Variants in ACTA1 observed in about 807,000 individuals in gnomAD.
ACTA1 encodes the protein actin, alpha skeletal muscle.
In ACTA1, 25 loss-of-function variants were observed where a neutral mutation model predicts 35.8. The observed-to-expected ratio is 0.70, with a 90% CI of 0.51 to 0.97. The LOEUF (loss-of-function observed/expected upper bound fraction) is 0.97, where lower values mean the gene tolerates loss of function less well. Among genes scored for constraint, ACTA1 ranks in the 50% least tolerant of loss-of-function variants. ACTA1 has a pLI of 0.00. For synonymous variants in ACTA1, 219 were observed against 217.1 expected (o/e 1.01, Z -0.08); for missense variants, 174 against 533.0 (o/e 0.33, Z 6.63).
In ACTA1 at chr1:229,431,747, G is replaced by A; in HGVS notation, c.964C>T (p.Leu322=). 6.2e-7 allele frequency: 1 copy of A among 1,614,202 alleles called. No individual in the cohort carries two copies. The highest frequency in any genetic ancestry group is 1.7e-5 in the Admixed American group (1 of 60,024). The change falls in exon 6 of 7, where the codon CTG becomes TTG. Residue 322 remains leucine, a synonymous_variant. Coordinates refer to ENST00000366684, the MANE Select transcript of ACTA1 (RefSeq NM_001100.4). This position sits in a 1 kb window ranked among gnomAD's most constrained non-coding sequence, Gnocchi z 7.1. The part of the protein sequence containing the change: ...ADRMQKEITA[L]APSTMKIKII... ...TTGATCTTCATGGTGCTGGGTGCCAGCGCGGTGATCTCTTTCTGCATGCGG... is the reference window on the plus strand; with the variant it reads ...TTGATCTTCATGGTGCTGGGTGCCAACGCGGTGATCTCTTTCTGCATGCGG...
rs964417587 is a variant in ACTA1, at chr1:229,432,977, G to T, written c.129+10C>A. ...CCGAGCCGGCTCCCTCTGCGGAGGGGCAGCCTGACCTGGTGTCGGGGGCGG... is the reference window on the plus strand; with the variant it reads ...CCGAGCCGGCTCCCTCTGCGGAGGGTCAGCCTGACCTGGTGTCGGGGGCGG... On this transcript the variant is annotated intron_variant, in intron 2 of 6. Transcript: ENST00000366684. 11 of 1,613,460 alleles carry T rather than the reference G, an allele frequency of 6.8e-6. No homozygotes were observed. The highest frequency in any genetic ancestry group is 1.7e-5 in the Admixed American group (1 of 59,974).
chr1:229,431,582 G>A lies in ACTA1; in HGVS notation c.1051C>T (p.Leu351=), dbSNP rs1659934623. The A allele has an allele frequency of 2.5e-6, 4 of 1,612,954 alleles. No individual in the cohort carries two copies. Among genetic ancestry groups the A allele is most frequent in the Middle Eastern group, 1.7e-4 (1 of 6,000 alleles). ...ATCCACATCTGCTGGAAGGTGGACA[G>A]CGAGGCCAGGATGGAGCCGCCGATC... ...VWIGGSILAS[L]STFQQMWITK... is the part of the protein sequence containing the mutation. Residue 351 remains leucine (L), a synonymous_variant, in exon 7 of 7, where the codon CTG becomes TTG. Coordinates refer to ENST00000366684, the MANE Select transcript of ACTA1 (RefSeq NM_001100.4). This position sits in a 1 kb window ranked among gnomAD's most constrained non-coding sequence, Gnocchi z 7.1.
intron 1 of ACTA1, 109 bp from the exon 2 acceptor site, chr1:229,433,236 T>TGGGG: frequency 6.8e-7 from 1 of 1,474,530 alleles, no homozygotes; most frequent in Non-Finnish European, 9.4e-7. Context: ...CCCAGGAACC[T>TGGGG]AGGGACATCT....
rs1013794215 is a variant in ACTA1, at chr1:229,431,356, C to T, written c.*143G>A. On this transcript the variant is annotated 3_prime_UTR_variant, in exon 7 of 7. Transcript: ENST00000366684. The surrounding 1 kb of genome is among the most constrained non-coding windows in gnomAD (Gnocchi z 7.1). The stretch of plus-strand genomic sequence containing the variant: ...GAGGTAATAAGTTAATGTATGTACA[C>T]GTTATAAACACTGTGTCAGTTTACG... 13 of 1,115,296 alleles carry T rather than the reference C, an allele frequency of 1.2e-5. No homozygotes were observed. The East Asian group carries it at 2.9e-4, about 25-fold the overall frequency. 69.1% of individuals were successfully genotyped at this position (1,115,296 alleles called of 1,614,324 possible). A position where few individuals can be genotyped will look rare whatever the true frequency, so the allele number is the denominator to read the frequency against.
Position 229,431,674 on chromosome 1 carries a change from C to T in ACTA1, c.991-32G>A, listed in dbSNP as rs746783641. On this transcript the variant is annotated intron_variant, in intron 6 of 6. Coordinates refer to ENST00000366684, the MANE Select transcript of ACTA1 (RefSeq NM_001100.4). The surrounding 1 kb of genome is among the most constrained non-coding windows in gnomAD (Gnocchi z 7.1). Reference sequence around the variant, plus strand: ...GACAGCGCGTGAGGTGGGGAGACCTCACCCTGGAGCCCACCCCGCCGACAG... The same window carrying T: ...GACAGCGCGTGAGGTGGGGAGACCTTACCCTGGAGCCCACCCCGCCGACAG... 1 of 1,613,926 alleles carries T rather than the reference C, an allele frequency of 6.2e-7. No homozygotes were observed. Among genetic ancestry groups the T allele is most frequent in the South Asian group, 1.1e-5 (1 of 91,066 alleles).
chr1:229,432,429 T>G lies in ACTA1; in HGVS notation c.457A>C (p.Ile153Leu). The G allele has an allele frequency of 6.3e-6, 10 of 1,596,244 alleles. No homozygotes were observed. The highest frequency in any genetic ancestry group is 8.5e-6 in the Non-Finnish European group (10 of 1,170,826). The change falls in exon 4 of 7, where the codon ATC becomes CTC. Residue 153 changes from isoleucine to leucine, a missense_variant and splice_region_variant. Physicochemically the swap from Ile to Leu is conservative, Grantham distance 5. Transcript: ENST00000366684. ...SLYASGRTTG[I>L]VLDSGDGVTH... ...ACGCCGTCGCCGGAGTCCAGCACGA[T>G]GCCTGTGCGCGCGCGGGAGAGAGTG...
chr1:229,433,546 G>A (rs1156535103), intron 1 of ACTA1, among the ~76,000 whole-genome samples: 1 of 152,216 alleles, frequency 6.6e-6, no homozygotes, highest in African/African-American at 2.4e-5. Flanking sequence ...CCAGCGTGAG[G>A]GTGGAAGGAG....
intron 1 of ACTA1, 98 bp from the exon 2 acceptor site, chr1:229,433,225 C>T (rs1659992212): frequency 6.5e-7 from 1 of 1,531,072 alleles, no homozygotes; most frequent in Non-Finnish European, 9.0e-7. Context: ...CGTCCTCCCT[C>T]CCCAGGAACC....
In ACTA1 at chr1:229,432,551, C is replaced by T. The variant is rs1476383050; in HGVS notation, c.454+5G>A. On this transcript the variant is annotated splice_donor_5th_base_variant and intron_variant, in intron 3 of 6. Coordinates refer to ENST00000366684, the MANE Select transcript of ACTA1 (RefSeq NM_001100.4). ...GAGAGGGGACTGGGGGCAGCGGGCA[C>T]TCACCGGTGGTCCTGCCGGAGGCGT... 6.2e-7 allele frequency: 1 copy of T among 1,607,426 alleles called. No homozygotes were observed. Among genetic ancestry groups the T allele is most frequent in the Non-Finnish European group, 8.5e-7 (1 of 1,177,568 alleles).
Position 229,431,923 on chromosome 1 carries a change from C to G in ACTA1, c.809-21G>C. 6.2e-7 allele frequency: 1 copy of G among 1,606,106 alleles called. No homozygotes were observed. On this transcript the variant is annotated intron_variant, in intron 5 of 6. Transcript: ENST00000366684. This position sits in a 1 kb window ranked among gnomAD's most constrained non-coding sequence, Gnocchi z 7.1. ...CATACCTGGGGACCGCGGCGGGGAG[C>G]GTGAGCAGAAGCTCGGGGCGCCGGG...
Position 229,431,266 on chromosome 1 carries a change from A to T in ACTA1, c.*233T>A. On this transcript the variant is annotated 3_prime_UTR_variant, in exon 7 of 7. Transcript: ENST00000366684. This position sits in a 1 kb window ranked among gnomAD's most constrained non-coding sequence, Gnocchi z 7.1. ...CCACTTTACGCAGCTTAACAGAATG[A>T]CTTTAATGCTTCTTCAAGTTTTCCA... 1.6e-6 allele frequency: 1 copy of T among 624,482 alleles called. No individual in the cohort carries two copies. Among genetic ancestry groups the T allele is most frequent in the South Asian group, 1.9e-5 (1 of 52,782 alleles). The allele number at this position is 624,482 out of a possible 1,614,324, so 38.7% of individuals were successfully genotyped here.
Position 229,431,959 on chromosome 1 carries a change from G to T in ACTA1, c.808+35C>A, listed in dbSNP as rs1423968868. On this transcript the variant is annotated intron_variant, in intron 5 of 6. Transcript: ENST00000366684. This position sits in a 1 kb window ranked among gnomAD's most constrained non-coding sequence, Gnocchi z 7.1. ...GCTCGGGGCGCCGGGGGCCGGCGGG[G>T]CCTGGGGGCCGGGGCGAGGGCGAGC... The T allele has an allele frequency of 6.2e-7, 1 of 1,605,700 alleles. No homozygotes were observed. Among genetic ancestry groups the T allele is most frequent in the Admixed American group, 1.7e-5 (1 of 59,600 alleles).
Position 229,432,061 on chromosome 1 carries a change from C to T in ACTA1, c.741G>A (p.Gly247=). 1 of 1,612,520 alleles carries T rather than the reference C, an allele frequency of 6.2e-7. No individual in the cohort carries two copies. Among genetic ancestry groups the T allele is most frequent in the Middle Eastern group, 2.0e-4 (1 of 5,094 alleles). The change falls in exon 5 of 7, where the codon GGG becomes GGA. Residue 247 remains glycine, a synonymous_variant. Coordinates refer to ENST00000366684, the MANE Select transcript of ACTA1 (RefSeq NM_001100.4). Reference sequence around the variant, plus strand: ...GCTCGTTGCCGATGGTGATGACCTGCCCGTCTGGCAGCTCGTAGCTCTTTT... The same window carrying T: ...GCTCGTTGCCGATGGTGATGACCTGTCCGTCTGGCAGCTCGTAGCTCTTTT... ...SLEKSYELPD[G]QVITIGNERF... is the part of the protein sequence containing the mutation.
At position 229,432,656 on chromosome 1, in the gene ACTA1, G is replaced by T. The variant is rs1571893716; in HGVS notation, c.354C>A (p.Arg118=). The T allele has an allele frequency of 1.2e-6, 2 of 1,614,128 alleles. No homozygotes were observed. Among genetic ancestry groups the T allele is most frequent in the East Asian group, 4.5e-5 (2 of 44,884 alleles). Reference sequence around the variant, plus strand: ...CAAACATGATCTGGGTCATCTTCTCGCGGTTGGCCTTGGGATTGAGGGGGG... The same window carrying T: ...CAAACATGATCTGGGTCATCTTCTCTCGGTTGGCCTTGGGATTGAGGGGGG... The part of the protein sequence containing the change: ...TEAPLNPKAN[R]EKMTQIMFET... Residue 118 remains arginine, a synonymous_variant, in exon 3 of 7, where the codon CGC becomes CGA. Coordinates refer to ENST00000366684, the MANE Select transcript of ACTA1 (RefSeq NM_001100.4).
chr1:229,432,762 TC>T lies in ACTA1; in HGVS notation c.247del (p.Asp83ThrfsTer39), dbSNP rs1260957170. On this transcript the variant is annotated frameshift_variant, in exon 3 of 7. Coordinates refer to ENST00000366684, the MANE Select transcript of ACTA1 (RefSeq NM_001100.4). LOFTEE classifies it high-confidence loss of function. ...GGTGTGGTGCCAGATCTTCTCCATG[TC>T]ATCCCAGTTGGTGATGATGCCGTGC... is the stretch of plus-strand genomic sequence containing the variant. ...IEHGIITNWDDMEKIWHHTFY... is the reference protein window; with the variant it reads ...IEHGIITNWDXMEKIWHHTFY... The T allele has an allele frequency of 6.2e-7, 1 of 1,614,172 alleles. No individual in the cohort carries two copies. Among genetic ancestry groups the T allele is most frequent in the Non-Finnish European group, 8.5e-7 (1 of 1,180,022 alleles).
chr1:229,431,400 G>A lies in ACTA1; in HGVS notation c.*99C>T, dbSNP rs1284350652. On this transcript the variant is annotated 3_prime_UTR_variant, in exon 7 of 7. Coordinates refer to ENST00000366684, the MANE Select transcript of ACTA1 (RefSeq NM_001100.4). The surrounding 1 kb of genome is among the most constrained non-coding windows in gnomAD (Gnocchi z 7.1). Reference sequence around the variant, plus strand: ...GTTTACGATGGCAGCAACGGAAGTTGTTACAAAGAAAGTGACTGCGGGGTG... The same window carrying A: ...GTTTACGATGGCAGCAACGGAAGTTATTACAAAGAAAGTGACTGCGGGGTG... 3.3e-6 allele frequency: 5 copies of A among 1,517,556 alleles called. No individual in the cohort carries two copies. Among genetic ancestry groups the A allele is most frequent in the Non-Finnish European group, 4.6e-6 (5 of 1,094,110 alleles). The allele number at this position is 1,517,556 out of a possible 1,614,324, so 94.0% of individuals were successfully genotyped here.
rs1659930701 is a variant in ACTA1 at position 229,431,440 on chromosome 1, G to T, written c.*59C>A. ...ACTGCGGGGTGGCTGGAGCTCAGCCGCCCCCCCATTGAGAAGATTCGTCGT... is the reference window on the plus strand; with the variant it reads ...ACTGCGGGGTGGCTGGAGCTCAGCCTCCCCCCCATTGAGAAGATTCGTCGT... On this transcript the variant is annotated 3_prime_UTR_variant, in exon 7 of 7. Transcript: ENST00000366684. The surrounding 1 kb of genome is among the most constrained non-coding windows in gnomAD (Gnocchi z 7.1). 1.2e-6 allele frequency: 2 copies of T among 1,608,612 alleles called. No individual in the cohort carries two copies. Among genetic ancestry groups the T allele is most frequent in the South Asian group, 1.1e-5 (1 of 90,928 alleles).
rs1571893786 is a variant in ACTA1 at position 229,432,710 on chromosome 1, G to C, written c.300C>G (p.Pro100=). The change falls in exon 3 of 7, where the codon CCC becomes CCG. Residue 100 remains proline (P), a synonymous_variant. Transcript: ENST00000366684. ...HTFYNELRVA[P]EEHPTLLTEA... ...CGGTGAGCAGGGTGGGGTGCTCCTC[G>C]GGAGCCACGCGAAGCTCGTTGTAGA... is the stretch of plus-strand genomic sequence containing the variant. 6 of 1,614,186 alleles carry C rather than the reference G, an allele frequency of 3.7e-6. No homozygotes were observed. The highest frequency in any genetic ancestry group is 5.1e-6 in the Non-Finnish European group (6 of 1,180,022).
chr1:229,432,347 A>C lies in ACTA1; in HGVS notation c.539T>G (p.Leu180Arg). 1 of 1,613,772 alleles carries C rather than the reference A, an allele frequency of 6.2e-7. No individual in the cohort carries two copies. Among genetic ancestry groups the C allele is most frequent in the African/African-American group, 1.3e-5 (1 of 75,024 alleles). The change falls in exon 4 of 7, where the codon CTG becomes CGG. Residue 180 changes from leucine to arginine, a missense_variant. Coordinates refer to ENST00000366684, the MANE Select transcript of ACTA1 (RefSeq NM_001100.4). ...GGTGAGATCGCGGCCCGCCAGGTCC[A>C]GGCGCATGATGGCGTGCGGCAGCGC... ...GYALPHAIMR[L>R]DLAGRDLTDY...
Sources: gnomAD v4.1 joint callset for allele counts (sites outside exome capture counted in the v4.1 genomes callset) on GRCh38, gnomAD v4.1.1 for gene constraint, Gnocchi (gnomAD v3.1) non-coding constraint, MANE v1.5 for transcripts, NCBI Gene and HGNC (gene_info 2026-07-23, HGNC 2026-07-21) for gene names.